Variants in ATXN7L1 observed in about 807,000 individuals in gnomAD.
The protein encoded by ATXN7L1 is ataxin-7-like protein 1.
A neutral mutation model predicts 70.8 loss-of-function variants in ATXN7L1; 15 were observed. That is an observed-to-expected ratio of 0.21 (90% confidence interval 0.14 to 0.33). The LOEUF (loss-of-function observed/expected upper bound fraction) is 0.33, where lower values mean the gene tolerates loss of function less well. Ranked by LOEUF, ATXN7L1 falls within the 10% of genes least tolerant of loss-of-function variation. The pLI, the probability that ATXN7L1 is intolerant of heterozygous loss-of-function variation, is 1.00. For missense variants in ATXN7L1, 975 were observed against 1,097.1 expected (o/e 0.89, Z 1.57); for synonymous variants, 440 against 445.1 (o/e 0.99, Z 0.14).
chr7:105,637,583 A>G (rs1415725448), intron 7 of ATXN7L1, among the ~76,000 whole-genome samples: 1 of 152,198 alleles, frequency 6.6e-6, no homozygotes, highest in Non-Finnish European at 1.5e-5. Context: ...TGGAGCGAGC[A>G]CTCAATAAAT....
chr7:105,632,907 T>C (rs1283208094), intron 7 of ATXN7L1, among the ~76,000 whole-genome samples: 2 of 116,798 alleles, frequency 1.7e-5, no homozygotes, highest in Non-Finnish European at 3.3e-5. Flanking sequence ...GGTTACAGAA[T>C]GTAATCTTGT....
At chr7:105,779,787 G>A (rs1301200885) in intron 3 of ATXN7L1, among the ~76,000 whole-genome samples, 2 of 152,184 alleles carry the variant, frequency 1.3e-5, no homozygotes, top group Non-Finnish European at 2.9e-5. Flanking sequence ...AGTTTGCACA[G>A]ATTCCTGTGC....
chr7:105,727,775 T>TATATATA (rs1554442569), intron 3 of ATXN7L1, among the ~76,000 whole-genome samples: 1 of 115,460 alleles, frequency 8.7e-6, no homozygotes, highest in Non-Finnish European at 1.8e-5. Flanking sequence ...TATATATATA[T>TATATATA]ATACACACAC....
chr7:105,811,077 T>C (rs1396967165), intron 2 of ATXN7L1, among the ~76,000 whole-genome samples: 2 of 152,236 alleles, frequency 1.3e-5, no homozygotes, highest in East Asian at 3.8e-4. Context: ...GGTGAAGTCC[T>C]ATCCCCAATA....
At chr7:105,656,209 G>A (rs150496361) in intron 4 of ATXN7L1, among the ~76,000 whole-genome samples, 203 of 152,362 alleles carry the variant, frequency 1.3e-3, no homozygotes, top group African/African-American at 4.6e-3. Context: ...CTGTGCCAGG[G>A]TCTGGTCCCA....
At chr7:105,804,922 C>T (rs1191032807) in intron 2 of ATXN7L1, among the ~76,000 whole-genome samples, 4 of 152,156 alleles carry the variant, frequency 2.6e-5, no homozygotes, top group Non-Finnish European at 5.9e-5. Context: ...AGGACGGCAG[C>T]TGGGAGAAAG....
intron 2 of ATXN7L1, among the ~76,000 whole-genome samples, chr7:105,858,598 A>C (rs1816080437): frequency 6.6e-6 from 1 of 152,186 alleles, no homozygotes; most frequent in African/African-American, 2.4e-5. Context: ...CAACGTTTGC[A>C]ATGGGCAGCA....
intron 3 of ATXN7L1, among the ~76,000 whole-genome samples, chr7:105,745,357 A>G (rs573371569): frequency 1.0e-3 from 152 of 152,344 alleles, no homozygotes; most frequent in African/African-American, 3.3e-3. Context: ...GGAGCACTCC[A>G]CAATTGATTA....
intron 2 of ATXN7L1, among the ~76,000 whole-genome samples, chr7:105,854,265 G>T (rs892724185): frequency 7.2e-5 from 11 of 152,078 alleles, no homozygotes; most frequent in Admixed American, 1.3e-4. Flanking sequence ...ATGGCGGCAA[G>T]GAAAACCCCT....
chr7:105,725,908 T>C (rs943558603), intron 3 of ATXN7L1, among the ~76,000 whole-genome samples: 31 of 149,956 alleles, frequency 2.1e-4, no homozygotes, highest in African/African-American at 5.9e-4. Flanking sequence ...TCTTTCTTTT[T>C]TTTTTTTTTT....
chr7:105,614,241 A>C lies in ATXN7L1; in HGVS notation c.2093T>G (p.Leu698Arg). 6.4e-7 allele frequency: 1 copy of C among 1,551,758 alleles called. No homozygotes were observed. The highest frequency in any genetic ancestry group is 8.7e-7 in the Non-Finnish European group (1 of 1,147,002). The change falls in exon 10 of 12, where the codon CTG (leucine) becomes CGG (arginine). Residue 698 changes from leucine to arginine, a missense_variant. Transcript: ENST00000419735. This position sits in a 1 kb window ranked among gnomAD's most constrained non-coding sequence, Gnocchi z 4.3. ...CCCATTGTTTGAGTTGTGCACAGAC[A>C]GGCTGTTATAGGGAGGGGCCGCCTG... is the stretch of plus-strand genomic sequence containing the variant. The part of the protein sequence containing the change: ...SYQAAPPYNS[L>R]SVHNSNNGVS...
intron 2 of ATXN7L1, among the ~76,000 whole-genome samples, chr7:105,846,989 C>T (rs1165407330): frequency 6.6e-6 from 1 of 152,128 alleles, no homozygotes; most frequent in Non-Finnish European, 1.5e-5. Context: ...CTAATGGGTA[C>T]AAGGTTTCTT....
chr7:105,628,993 C>T (rs998096051), intron 7 of ATXN7L1, among the ~76,000 whole-genome samples: 3 of 150,720 alleles, frequency 2.0e-5, no homozygotes, highest in Non-Finnish European at 2.9e-5. Context: ...TTTAGAGACA[C>T]GGTCTCTCTC....
intron 3 of ATXN7L1, among the ~76,000 whole-genome samples, chr7:105,713,035 A>G (rs963861340): frequency 6.6e-6 from 1 of 152,196 alleles, no homozygotes. Context: ...AGGCCTCAGA[A>G]AATTTATAAT....
At chr7:105,779,680 T>C (rs1386755452) in intron 3 of ATXN7L1, among the ~76,000 whole-genome samples, 7 of 152,176 alleles carry the variant, frequency 4.6e-5, no homozygotes, top group Non-Finnish European at 8.8e-5. Context: ...TTTCTGATCA[T>C]AAGGAACTCA....
At position 105,692,870 on chromosome 7, in the gene ATXN7L1, C is replaced by T. The variant is rs569708781; in HGVS notation, c.356-27582G>A. ...CTCCCGATTCAGCCTCCTAAGGAGC[C>T]GCACCACTGCCCTTGGCTAATTTTT... is the stretch of plus-strand genomic sequence containing the variant. On this transcript the variant is annotated intron_variant, in intron 3 of 11. Coordinates refer to ENST00000419735, the MANE Select transcript of ATXN7L1 (RefSeq NM_020725.2). 4.9e-4 allele frequency among the ~76,000 whole-genome samples: 74 copies of T among 150,924 alleles called. 1 individual carries two copies. The highest frequency in any genetic ancestry group is 3.0e-4 in the Non-Finnish European group (20 of 67,642).
At chr7:105,752,761 T>G (rs1454439383) in intron 3 of ATXN7L1, among the ~76,000 whole-genome samples, 1 of 152,232 alleles carries the variant, frequency 6.6e-6, no homozygotes, top group Non-Finnish European at 1.5e-5. Flanking sequence ...TTTCTCATTA[T>G]CCTGCCTTCC....
At chr7:105,715,788 C>G (rs1452612283) in intron 3 of ATXN7L1, among the ~76,000 whole-genome samples, 2 of 152,210 alleles carry the variant, frequency 1.3e-5, no homozygotes, top group African/African-American at 4.8e-5. Context: ...GGAGAAATGA[C>G]AGTGGTGGTG....
intron 11 of ATXN7L1, among the ~76,000 whole-genome samples, chr7:105,609,098 G>A (rs1792931324): frequency 6.6e-6 from 1 of 152,208 alleles, no homozygotes; most frequent in South Asian, 2.1e-4. Context: ...ACTGCATCCT[G>A]AATGGTGGCT....
Sources: allele counts gnomAD v4.1 joint callset (sites outside exome capture counted in the v4.1 genomes callset), GRCh38; gene constraint gnomAD v4.1.1; non-coding constraint Gnocchi (gnomAD v3.1); transcripts MANE v1.5; gene names NCBI Gene and HGNC (gene_info 2026-07-23, HGNC 2026-07-21).